The following NCOA7 variants were observed in gnomAD, a reference collection of about 807,000 sequenced individuals.
The protein encoded by NCOA7 is 140 kDa estrogen receptor-associated protein.
NCOA7 carries 45 observed loss-of-function variants against 104.3 expected under a neutral mutation model. The ratio of observed to expected loss-of-function variants is 0.43; its 90% CI spans 0.34 to 0.55. The LOEUF (loss-of-function observed/expected upper bound fraction) is 0.55. NCOA7 is among the 20% of genes least tolerant of loss of function. NCOA7 has a pLI of 0.02. For missense variants in NCOA7, 1,041 were observed against 1,119.7 expected (o/e 0.93, Z 1.00); for synonymous variants, 398 against 402.3 (o/e 0.99, Z 0.13).
At chr6:125,865,021 A>G (rs1275293634) in intron 3 of NCOA7, among the ~76,000 whole-genome samples, 1 of 138,548 alleles carries the variant, frequency 7.2e-6, no homozygotes, top group Non-Finnish European at 1.5e-5. Context: ...GAGGAAGAGC[A>G]GAAAGAACTA....
chr6:125,799,504 A>C (rs1393284819), intron 1 of NCOA7, among the ~76,000 whole-genome samples: 2 of 148,152 alleles, frequency 1.3e-5, no homozygotes, highest in Non-Finnish European at 3.0e-5. Context: ...CAGTGGCGCT[A>C]TCTCGGCTCA....
rs771626769 is a variant in NCOA7 at position 125,928,659 on chromosome 6, A to G, written c.2717A>G (p.Asp906Gly). Reference protein sequence around the residue: ...GGGGRFGLWLDADLYHGRSNS... With the variant: ...GGGGRFGLWLGADLYHGRSNS... ...AGGGGACGATTTGGTTTATGGCTAG[A>G]TGCTGATTTATACCACGGACGAAGC... The change falls in exon 16 of 16, where the codon GAT becomes GGT. Residue 906 changes from aspartate to glycine, a missense_variant. Asp to Gly is a moderately conservative substitution (Grantham distance 94). Coordinates refer to ENST00000392477, the MANE Select transcript of NCOA7 (RefSeq NM_181782.5). 6.2e-7 allele frequency: 1 copy of G among 1,607,806 alleles called. No homozygotes were observed. Among genetic ancestry groups the G allele is most frequent in the Non-Finnish European group, 8.5e-7 (1 of 1,178,256 alleles).
chr6:125,922,641 G>C, intron 12 of NCOA7, 41 bp from the exon 13 acceptor site: 1 of 1,592,508 alleles, frequency 6.3e-7, no homozygotes, highest in African/African-American at 1.3e-5. Flanking sequence ...AGCAATTTGT[G>C]GGTGAACCTT....
chr6:125,882,584 GA>G (rs1783932826), intron 7 of NCOA7, 33 bp downstream of exon 7: 1 of 1,598,994 alleles, frequency 6.3e-7, no homozygotes, highest in African/African-American at 1.3e-5. Context: ...TCCTTTCCTT[GA>G]AATCTATGAA....
At chr6:125,809,197 GT>G (rs1554261492) in intron 1 of NCOA7, among the ~76,000 whole-genome samples, 1 of 150,114 alleles carries the variant, frequency 6.7e-6, no homozygotes, top group Non-Finnish European at 1.5e-5. Context: ...GTTGTTTTTT[GT>G]TTTTTTTTGA....
chr6:125,815,716 A>G (rs978928319), intron 2 of NCOA7, among the ~76,000 whole-genome samples: 1 of 152,226 alleles, frequency 6.6e-6, no homozygotes, highest in Middle Eastern at 3.2e-3. Flanking sequence ...TTAAATCCTA[A>G]GTGCTTTGTT....
chr6:125,793,986 A>G (rs188358519), intron 1 of NCOA7, among the ~76,000 whole-genome samples: 1 of 152,330 alleles, frequency 6.6e-6, no homozygotes, highest in East Asian at 1.9e-4. Context: ...TTGGCTGAAC[A>G]AAGGCCATGA....
At chr6:125,793,710 TTTTG>T in intron 1 of NCOA7, among the ~76,000 whole-genome samples, 1 of 152,316 alleles carries the variant, frequency 6.6e-6, no homozygotes, top group East Asian at 1.9e-4. Flanking sequence ...GCCCATAATT[TTTTG>T]TTTGTTTAAA....
At position 125,885,273 on chromosome 6, in the gene NCOA7, A is replaced by G. The variant is rs777587206; in HGVS notation, c.814A>G (p.Met272Val). 2 of 1,614,032 alleles carry G rather than the reference A, an allele frequency of 1.2e-6. No individual in the cohort carries two copies. The highest frequency in any genetic ancestry group is 1.7e-5 in the Admixed American group (1 of 60,012). ...GCEEYGLICP[M>V]EEVVSIALYN... ...TGAGGAGTATGGTCTCATCTGCCCC[A>G]TGGAAGAGGTTGTTTCCATTGCGCT... The change falls in exon 8 of 16, where the codon ATG (methionine) becomes GTG (valine). Residue 272 changes from methionine to valine, a missense_variant. Met to Val is a conservative substitution (Grantham distance 21, BLOSUM62 1). Coordinates refer to ENST00000392477, the MANE Select transcript of NCOA7 (RefSeq NM_181782.5).
intron 11 of NCOA7, among the ~76,000 whole-genome samples, chr6:125,918,901 C>T (rs573142360): frequency 1.3e-5 from 2 of 151,164 alleles, no homozygotes; most frequent in East Asian, 2.0e-4. Flanking sequence ...AGGGATCACA[C>T]GTACCATTTT....
intron 2 of NCOA7, among the ~76,000 whole-genome samples, chr6:125,818,224 C>G (rs1370013861): frequency 2.0e-5 from 3 of 152,150 alleles, no homozygotes; most frequent in African/African-American, 7.2e-5. Context: ...AAGGTAACTG[C>G]CGGTTCATGA....
intron 10 of NCOA7, among the ~76,000 whole-genome samples, chr6:125,897,380 C>T (rs930244942): frequency 2.0e-5 from 3 of 152,148 alleles, no homozygotes; most frequent in Non-Finnish European, 4.4e-5. Context: ...ATAGATGTTT[C>T]ATAGTTAAAT....
intron 3 of NCOA7, among the ~76,000 whole-genome samples, chr6:125,857,524 G>C (rs997923628): frequency 6.6e-6 from 1 of 151,242 alleles, no homozygotes; most frequent in Non-Finnish European, 1.5e-5. Flanking sequence ...TTCCGGCCTC[G>C]AAGTCCGACC....
intron 2 of NCOA7, among the ~76,000 whole-genome samples, chr6:125,853,867 G>A (rs1200834720): frequency 1.3e-5 from 2 of 152,200 alleles, no homozygotes; most frequent in Non-Finnish European, 2.9e-5. Flanking sequence ...TGAGGTCAGA[G>A]TTCTCTTAAG....
chr6:125,796,047 CA>C (rs1775294252), intron 1 of NCOA7, among the ~76,000 whole-genome samples: 1 of 152,122 alleles, frequency 6.6e-6, no homozygotes, highest in African/African-American at 2.4e-5. Context: ...GTCCAATTTT[CA>C]TGAGCAAGCC....
At chr6:125,802,842 A>T (rs1028862275) in intron 1 of NCOA7, among the ~76,000 whole-genome samples, 14 of 152,328 alleles carry the variant, frequency 9.2e-5, no homozygotes, top group African/African-American at 3.4e-4. Flanking sequence ...ATAGTTGAAT[A>T]TTACACACAT....
chr6:125,931,485 G>GA lies in NCOA7; in HGVS notation c.*2714_*2715insA. 6.6e-6 allele frequency: 1 copy of GA among 152,264 alleles called. No homozygotes were observed. The highest frequency in any genetic ancestry group is 6.5e-5 in the Admixed American group (1 of 15,290). The allele number at this position is 152,264 out of a possible 1,614,324, so 9.4% of individuals were successfully genotyped here. On this transcript the variant is annotated 3_prime_UTR_variant, in exon 16 of 16. Transcript: ENST00000392477. Reference sequence around the variant, plus strand: ...GCATCCTGACACCTAGCCCCTAGATGTTGGGCTAGATGAAGACCCCAAGCA... The same window carrying GA: ...GCATCCTGACACCTAGCCCCTAGATGATTGGGCTAGATGAAGACCCCAAGCA...
At chr6:125,839,188 G>A (rs1923686) in intron 2 of NCOA7, among the ~76,000 whole-genome samples, 11,181 of 152,194 alleles carry the variant, frequency 0.073, 474 homozygotes, top group Non-Finnish European at 0.096. Context: ...AGCAATCTCA[G>A]CTCACTGCAA....
Position 125,805,087 on chromosome 6 carries a change from C to CTTT in NCOA7, c.-64-10178_-64-10176dup, listed in dbSNP as rs59737297. On this transcript the variant is annotated intron_variant, in intron 1 of 15. Coordinates refer to ENST00000392477, the MANE Select transcript of NCOA7 (RefSeq NM_181782.5). ...ATAAAGCTGGGTTCACCCTCTTGTT[C>CTTT]TTTTTTTTTTTTTTTTTTTTTTTTT... 9.9e-3 allele frequency among the ~76,000 whole-genome samples: 574 copies of CTTT among 58,036 alleles called. 101 individuals are homozygous for CTTT. Among genetic ancestry groups the CTTT allele is most frequent in the African/African-American group, 0.02 (332 of 16,246 alleles). 38.1% of individuals were successfully genotyped at this position (58,036 alleles called of 152,430 possible).
Sources: gnomAD v4.1 joint callset for allele counts (sites outside exome capture counted in the v4.1 genomes callset) on GRCh38, gnomAD v4.1.1 for gene constraint, MANE v1.5 for transcripts, NCBI Gene and HGNC (gene_info 2026-07-23, HGNC 2026-07-21) for gene names.